TRIM2: variants seen among roughly 807,000 people sequenced by gnomAD.
TRIM2 encodes tripartite motif-containing protein 2.
In TRIM2, 20 loss-of-function variants were observed where a neutral mutation model predicts 75.2. That is an observed-to-expected ratio of 0.27 (90% CI 0.19 to 0.39). The LOEUF (loss-of-function observed/expected upper bound fraction) is 0.39, where lower values mean the gene tolerates loss of function less well. Ranked by LOEUF, TRIM2 falls within the 10% of genes least tolerant of loss-of-function variation. The pLI is 1.00. For synonymous variants in TRIM2, 373 were observed against 388.3 expected, an observed-to-expected ratio of 0.96 and a Z score of 0.46; for missense variants, 660 against 990.8, an observed-to-expected ratio of 0.67 and a Z score of 4.48.
At position 153,273,128 on chromosome 4, in the gene TRIM2, C is replaced by T. The variant is rs189571258; in HGVS notation, c.215+2609C>T. Among the ~76,000 whole-genome samples the T allele has an allele frequency of 1.7e-4, 26 of 152,166 alleles. 1 individual carries two copies. The East Asian group carries it at 4.8e-3, about 28-fold the overall frequency. On this transcript the variant is annotated intron_variant, in intron 2 of 11. Coordinates refer to ENST00000338700, the MANE Select transcript of TRIM2 (RefSeq NM_015271.5). The stretch of plus-strand genomic sequence containing the variant: ...CAGGGATTACAGGCATGAGTCACTG[C>T]GCCCGGTGGGGAAATTTTTGTTTAT...
chr4:153,166,636 C>T (rs775222075), intron 1 of TRIM2, among the ~76,000 whole-genome samples: 1 of 152,156 alleles, frequency 6.6e-6, no homozygotes, highest in Non-Finnish European at 1.5e-5. Context: ...ACCTCACCCT[C>T]AACCTGGGCT....
intron 1 of TRIM2, chr4:153,222,682 C>A (rs1018853379): frequency 4.6e-5 from 7 of 152,308 alleles, no homozygotes; most frequent in African/African-American, 1.7e-4. Context: ...AAATGACCGA[C>A]CAGAGAGCCA....
At chr4:153,307,411 C>A (rs1163188078) in intron 6 of TRIM2, among the ~76,000 whole-genome samples, 1 of 152,064 alleles carries the variant, frequency 6.6e-6, no homozygotes, top group Non-Finnish European at 1.5e-5. Context: ...TGTAAAATCG[C>A]TTAGCATGAA....
chr4:153,306,902 G>A (rs1050284547), intron 6 of TRIM2, among the ~76,000 whole-genome samples: 2 of 152,222 alleles, frequency 1.3e-5, no homozygotes, highest in Non-Finnish European at 2.9e-5. Flanking sequence ...TATCCTTACT[G>A]TTGAAGAAAT....
At position 153,153,672 on chromosome 4, in the gene TRIM2, T is replaced by C. The variant is rs1016693898; in HGVS notation, c.-49+402T>C. On this transcript the variant is annotated intron_variant, in intron 1 of 11. Transcript: ENST00000437508. ...GCTCGAAACGAGATGAGGCCAGTGTTCCAGCCCGTGGGGACCTTTGTGCGC... is the reference window on the plus strand; with the variant it reads ...GCTCGAAACGAGATGAGGCCAGTGTCCCAGCCCGTGGGGACCTTTGTGCGC... Among the ~76,000 whole-genome samples the C allele has an allele frequency of 2.0e-5, 3 of 152,200 alleles. No homozygotes were observed. In the South Asian group the frequency reaches 6.2e-4, roughly 31 times the overall value.
intron 1 of TRIM2, among the ~76,000 whole-genome samples, chr4:153,225,595 G>T (rs1484649222): frequency 5.3e-5 from 8 of 152,168 alleles, no homozygotes; most frequent in Admixed American, 5.2e-4. Context: ...GGAAGAAAAT[G>T]ACAGGTCTTT....
At position 153,336,481 on chromosome 4, in the gene TRIM2, G is replaced by A. The variant is rs1422675243; in HGVS notation, c.*1515G>A. ...AATGTTAAGAACAATTTAGTCAATC[G>A]TTCATCTGTCATTGGTACTGTAAAA... On this transcript the variant is annotated 3_prime_UTR_variant, in exon 12 of 12. Transcript: ENST00000338700. 29 of 985,578 alleles carry A rather than the reference G, an allele frequency of 2.9e-5. No individual in the cohort carries two copies. The highest frequency in any genetic ancestry group is 1.0e-3 in the Middle Eastern group (2 of 1,914). 61.1% of individuals were successfully genotyped at this position (985,578 alleles called of 1,614,324 possible).
intron 3 of TRIM2, among the ~76,000 whole-genome samples, chr4:153,278,190 C>T (rs1262391104): frequency 1.3e-5 from 2 of 152,172 alleles, no homozygotes; most frequent in African/African-American, 2.4e-5. Context: ...ACTGAAGCCT[C>T]GACCTCCTGG....
At chr4:153,254,284 C>A (rs1290033103) in intron 1 of TRIM2, among the ~76,000 whole-genome samples, 2 of 152,188 alleles carry the variant, frequency 1.3e-5, no homozygotes, top group Non-Finnish European at 2.9e-5. Flanking sequence ...CATGCTCCTG[C>A]CAATCCCAAT....
chr4:153,315,555 A>G lies in TRIM2; in HGVS notation c.1581A>G (p.Ile527Met). 6.2e-7 allele frequency: 1 copy of G among 1,611,868 alleles called. No individual in the cohort carries two copies. Among genetic ancestry groups the G allele is most frequent in the Non-Finnish European group, 8.5e-7 (1 of 1,179,486 alleles). The change falls in exon 7 of 12, where the codon ATA becomes ATG. Residue 527 changes from isoleucine (I) to methionine (M), a missense_variant. Physicochemically the swap from Ile to Met is conservative, Grantham distance 10. Transcript: ENST00000338700. The stretch of plus-strand genomic sequence containing the variant: ...TAGCTGCATCTACAAATGGAAAGAT[A>G]TTAATTGCAGACAGTAACAACCAAT... Reference protein sequence around the residue: ...QGVAASTNGKILIADSNNQCV... With the variant: ...QGVAASTNGKMLIADSNNQCV...
intron 1 of TRIM2, among the ~76,000 whole-genome samples, chr4:153,199,358 T>C (rs1438302973): frequency 4.6e-5 from 7 of 152,208 alleles, no homozygotes. Context: ...TTGATTGATT[T>C]TAATGAAATA....
chr4:153,235,067 G>A (rs1744666928), intron 1 of TRIM2, among the ~76,000 whole-genome samples: 1 of 151,876 alleles, frequency 6.6e-6, no homozygotes, highest in Non-Finnish European at 1.5e-5. Context: ...GGTTTCCTCT[G>A]CCTTGAATGC....
Position 153,336,360 on chromosome 4 carries a change from A to C in TRIM2, c.*1394A>C, listed in dbSNP as rs1310440622. ...CTTCTGTGCTTTCAAAAAAAAAAAC[A>C]AAAAAAAAACCACACACACACATAA... On this transcript the variant is annotated 3_prime_UTR_variant, in exon 12 of 12. Transcript: ENST00000338700. 8 of 932,112 alleles carry C rather than the reference A, an allele frequency of 8.6e-6. No individual in the cohort carries two copies. Among genetic ancestry groups the C allele is most frequent in the Admixed American group, 6.6e-5 (1 of 15,266 alleles). 57.7% of individuals were successfully genotyped at this position (932,112 alleles called of 1,614,324 possible).
chr4:153,157,447 G>A (rs1002089284), intron 1 of TRIM2, among the ~76,000 whole-genome samples: 2 of 152,254 alleles, frequency 1.3e-5, no homozygotes. Context: ...ATGGCCCAGG[G>A]AAAAGGAAAG....
intron 1 of TRIM2, among the ~76,000 whole-genome samples, chr4:153,181,591 C>T (rs2149637229): frequency 6.6e-6 from 1 of 152,304 alleles, no homozygotes; most frequent in South Asian, 2.1e-4. Flanking sequence ...TGGCGTTCAA[C>T]CTTCCCTCAT....
intron 8 of TRIM2, among the ~76,000 whole-genome samples, chr4:153,320,308 A>G (rs1049683937): frequency 3.3e-5 from 5 of 152,216 alleles, no homozygotes; most frequent in Non-Finnish European, 7.3e-5. Flanking sequence ...CATCATTTAT[A>G]AACTTAGAAG....
intron 1 of TRIM2, among the ~76,000 whole-genome samples, chr4:153,213,211 C>T (rs150945832): frequency 2.5e-4 from 38 of 152,276 alleles, no homozygotes; most frequent in Middle Eastern, 3.4e-3. Context: ...TGTCCCAAGC[C>T]GCACAGCTGG....
chr4:153,295,281 A>C lies in TRIM2; in HGVS notation c.787-32A>C, dbSNP rs752601501. 1 of 1,536,498 alleles carries C rather than the reference A, an allele frequency of 6.5e-7. No individual in the cohort carries two copies. Among genetic ancestry groups the C allele is most frequent in the Non-Finnish European group, 8.8e-7 (1 of 1,141,904 alleles). On this transcript the variant is annotated intron_variant, in intron 5 of 11. Transcript: ENST00000338700. This position sits in a 1 kb window ranked among gnomAD's most constrained non-coding sequence, Gnocchi z 7.2. ...CCCGGGCTAGGCCCCGCCCTGTGGG[A>C]CGAGCTCACCAGGCCTCCGGTTTTC...
chr4:153,269,693 T>C (rs1756151730), intron 1 of TRIM2, among the ~76,000 whole-genome samples: 1 of 152,216 alleles, frequency 6.6e-6, no homozygotes, highest in Non-Finnish European at 1.5e-5. Context: ...GACATAGCTA[T>C]ATAAAGTATT....
Sources: gnomAD v4.1 joint callset for allele counts (sites outside exome capture counted in the v4.1 genomes callset) on GRCh38, gnomAD v4.1.1 for gene constraint, Gnocchi (gnomAD v3.1) non-coding constraint, MANE v1.5 for transcripts, NCBI Gene and HGNC (gene_info 2026-07-23, HGNC 2026-07-21) for gene names.